CNTNAP2: variants seen among roughly 807,000 people sequenced by gnomAD.
CNTNAP2 encodes the protein contactin associated protein 2, also known as contactin-associated protein-like 2.
CNTNAP2 carries 98 observed loss-of-function variants against 155.2 expected under a neutral mutation model. The observed-to-expected ratio is 0.63, with a 90% CI of 0.54 to 0.75. The LOEUF (loss-of-function observed/expected upper bound fraction) is 0.75, where lower values mean the gene tolerates loss of function less well. Among genes scored for constraint, CNTNAP2 ranks in the 30% least tolerant of loss-of-function variants. The pLI is 0.00. For synonymous variants in CNTNAP2, 651 were observed against 631.2 expected, an observed-to-expected ratio of 1.03 and a Z score of -0.47; for missense variants, 1,727 against 1,688.1, an observed-to-expected ratio of 1.02 and a Z score of -0.40.
At chr7:148,145,732 C>CT (rs899260222) in intron 16 of CNTNAP2, among the ~76,000 whole-genome samples, 22 of 152,184 alleles carry the variant, frequency 1.4e-4, no homozygotes, top group African/African-American at 5.3e-4. Flanking sequence ...ATCACACAGC[C>CT]TGTGGGTCAT....
intron 1 of CNTNAP2, among the ~76,000 whole-genome samples, chr7:146,484,022 T>G (rs189680756): frequency 1.3e-5 from 2 of 152,332 alleles, no homozygotes; most frequent in East Asian, 3.9e-4. Context: ...TCATAGTAAG[T>G]GCACTATACA....
chr7:147,643,168 A>C lies in CNTNAP2; in HGVS notation c.2098+3862A>C, dbSNP rs558670525. On this transcript the variant is annotated intron_variant, in intron 13 of 23. Coordinates refer to ENST00000361727, the MANE Select transcript of CNTNAP2 (RefSeq NM_014141.6). ...TGAAGGTTTCTCATGTTGGAATTTA[A>C]GGTGTTAGTCCTTCATGTGGGAGAA... 5.9e-5 allele frequency among the ~76,000 whole-genome samples: 9 copies of C among 152,326 alleles called. No individual in the cohort carries two copies. The South Asian group carries it at 1.9e-3, about 32-fold the overall frequency.
intron 1 of CNTNAP2, among the ~76,000 whole-genome samples, chr7:146,334,660 T>C (rs1048055653): frequency 3.9e-5 from 6 of 152,152 alleles, no homozygotes; most frequent in African/African-American, 1.4e-4. Context: ...TATCCATTTC[T>C]CCTCCAAGAG....
At chr7:147,765,938 C>A (rs570671409) in intron 13 of CNTNAP2, among the ~76,000 whole-genome samples, 1 of 152,204 alleles carries the variant, frequency 6.6e-6, no homozygotes, top group African/African-American at 2.4e-5. Context: ...ATGGATGAAT[C>A]TCTACAACAC....
intron 11 of CNTNAP2, among the ~76,000 whole-genome samples, chr7:147,497,897 T>C (rs1798738951): frequency 6.6e-6 from 1 of 152,224 alleles, no homozygotes; most frequent in Admixed American, 6.5e-5. Flanking sequence ...TTCTTTTGTA[T>C]AGTTCTTTAA....
At position 146,618,052 on chromosome 7, in the gene CNTNAP2, T is replaced by C. The variant is rs181099185; in HGVS notation, c.98-156219T>C. 5.3e-5 allele frequency among the ~76,000 whole-genome samples: 8 copies of C among 152,254 alleles called. No individual in the cohort carries two copies. The East Asian group carries it at 1.5e-3, about 29-fold the overall frequency. On this transcript the variant is annotated intron_variant, in intron 1 of 23. Coordinates refer to ENST00000361727, the MANE Select transcript of CNTNAP2 (RefSeq NM_014141.6). ...AAAAGTAAAGAAAAATAAAGAAAAT[T>C]GGAGTAATAAAAACCCTTTAGGAAG...
At chr7:147,034,195 A>T (rs1036014516) in intron 3 of CNTNAP2, among the ~76,000 whole-genome samples, 1 of 152,174 alleles carries the variant, frequency 6.6e-6, no homozygotes, top group Admixed American at 6.5e-5. Context: ...TGCTGGCAGG[A>T]GTGCCTTTTA....
intron 15 of CNTNAP2, among the ~76,000 whole-genome samples, chr7:148,083,879 C>G (rs1187973315): frequency 6.6e-6 from 1 of 152,132 alleles, no homozygotes; most frequent in Non-Finnish European, 1.5e-5. Flanking sequence ...CTAAGAGTCT[C>G]CATGAATTGC....
intron 20 of CNTNAP2, among the ~76,000 whole-genome samples, chr7:148,246,935 A>G (rs539745737): frequency 2.6e-5 from 4 of 152,350 alleles, no homozygotes; most frequent in East Asian, 3.9e-4. Flanking sequence ...TTTGTATTCA[A>G]TTGAATGTTT....
intron 1 of CNTNAP2, among the ~76,000 whole-genome samples, chr7:146,294,686 G>A (rs1005046832): frequency 6.6e-6 from 1 of 152,098 alleles, no homozygotes; most frequent in Non-Finnish European, 1.5e-5. Flanking sequence ...TATTTTTAGA[G>A]TACCATTCAG....
chr7:148,331,734 G>GGAATGGACAGATGGAGTGGATGGATA (rs1563045980), intron 21 of CNTNAP2, among the ~76,000 whole-genome samples: 212 of 16,346 alleles, frequency 0.013, 8 homozygotes, highest in Middle Eastern at 0.019. Flanking sequence ...TTGGATGGAT[G>GGAATGGACAGATGGAGTGGATGGATA]GAGTGGATGG....
chr7:146,143,059 TA>T (rs1262017028), intron 1 of CNTNAP2, among the ~76,000 whole-genome samples: 4 of 152,162 alleles, frequency 2.6e-5, no homozygotes, highest in African/African-American at 9.7e-5. Context: ...GCCATGAAGT[TA>T]CAGGATGATG....
intron 1 of CNTNAP2, among the ~76,000 whole-genome samples, chr7:146,763,359 C>A (rs1050142460): frequency 2.0e-4 from 31 of 152,138 alleles, no homozygotes; most frequent in African/African-American, 7.5e-4. Flanking sequence ...TCTGAAACCT[C>A]TAATTTCAAG....
intron 14 of CNTNAP2, among the ~76,000 whole-genome samples, chr7:147,926,135 A>G (rs556895183): frequency 9.8e-5 from 15 of 152,318 alleles, no homozygotes; most frequent in African/African-American, 3.6e-4. Context: ...ACCTTCTTCA[A>G]ATGGAGTCTT....
chr7:146,764,038 G>A (rs1223332060), intron 1 of CNTNAP2, among the ~76,000 whole-genome samples: 4 of 152,188 alleles, frequency 2.6e-5, no homozygotes, highest in Non-Finnish European at 5.9e-5. Flanking sequence ...TAAGTACATT[G>A]CTTATTGCTA....
intron 2 of CNTNAP2, among the ~76,000 whole-genome samples, chr7:146,830,845 A>G (rs892238020): frequency 2.0e-5 from 3 of 152,196 alleles, no homozygotes; most frequent in East Asian, 1.9e-4. Context: ...TAAAAATGAC[A>G]GTATACAGGA....
At chr7:147,106,106 G>A (rs1019300107) in intron 4 of CNTNAP2, among the ~76,000 whole-genome samples, 1 of 152,026 alleles carries the variant, frequency 6.6e-6, no homozygotes, top group African/African-American at 2.4e-5. Flanking sequence ...TAAAAGCTCA[G>A]GGAACGTTTA....
At chr7:146,638,837 T>G (rs1435812365) in intron 1 of CNTNAP2, among the ~76,000 whole-genome samples, 2 of 152,094 alleles carry the variant, frequency 1.3e-5, no homozygotes, top group Non-Finnish European at 2.9e-5. Flanking sequence ...TAGGTGATTT[T>G]GTCATTGTAC....
intron 1 of CNTNAP2, among the ~76,000 whole-genome samples, chr7:146,419,083 G>T (rs1427290665): frequency 6.6e-6 from 1 of 152,058 alleles, no homozygotes; most frequent in African/African-American, 2.4e-5. Flanking sequence ...TAAAGAAAAT[G>T]ATTTTTTTAT....
Sources: allele counts gnomAD v4.1 joint callset (sites outside exome capture counted in the v4.1 genomes callset), GRCh38; gene constraint gnomAD v4.1.1; transcripts MANE v1.5; gene names NCBI Gene and HGNC (gene_info 2026-07-23, HGNC 2026-07-21).